Variants in WIPF2 observed in about 807,000 individuals in gnomAD.
WIPF2 encodes WAS/WASL-interacting protein family member 2.
WIPF2 carries 23 observed loss-of-function variants against 38.8 expected under a neutral mutation model. The observed-to-expected ratio is 0.59, with a 90% CI of 0.43 to 0.84. The LOEUF is 0.84. Ranked by LOEUF, WIPF2 falls within the 40% of genes least tolerant of loss-of-function variation. The pLI is 0.00. For synonymous variants in WIPF2, 210 were observed against 223.2 expected (o/e 0.94, Z 0.53); for missense variants, 574 against 580.5 (o/e 0.99, Z 0.11).
In WIPF2 at chr17:40,260,570, G is replaced by A; in HGVS notation, c.99G>A (p.Glu33=). Residue 33 remains glutamate, a synonymous_variant, in exon 3 of 8, where the codon GAG becomes GAA. Coordinates refer to ENST00000323571, the MANE Select transcript of WIPF2 (RefSeq NM_133264.5). Reference sequence around the variant, plus strand: ...AGCAGCCCAAGCTGAGTAGAGATGAGCAGCGGGGTCGAGGCGCCCTCTTAC... The same window carrying A: ...AGCAGCCCAAGCTGAGTAGAGATGAACAGCGGGGTCGAGGCGCCCTCTTAC... ...NTEQPKLSRD[E]QRGRGALLQD... The A allele has an allele frequency of 6.2e-7, 1 of 1,613,882 alleles. No individual in the cohort carries two copies. Among genetic ancestry groups the A allele is most frequent in the Non-Finnish European group, 8.5e-7 (1 of 1,179,984 alleles).
chr17:40,273,826 C>A lies in WIPF2; in HGVS notation c.1007C>A (p.Ala336Asp). 6.2e-7 allele frequency: 1 copy of A among 1,606,622 alleles called. No individual in the cohort carries two copies. Among genetic ancestry groups the A allele is most frequent in the Non-Finnish European group, 8.5e-7 (1 of 1,174,848 alleles). Reference protein sequence around the residue: ...PPPPPVIRNGARDAPPPPPPY... With the variant: ...PPPPPVIRNGDRDAPPPPPPY... ...CCACCACCTGTGATCCGAAATGGTG[C>A]CAGGGATGCTCCCCCTCCCCCACCA... The change falls in exon 6 of 8, where the codon GCC becomes GAC. Residue 336 changes from alanine (A) to aspartate (D), a missense_variant. By Grantham distance (126) the Ala-to-Asp change is moderately radical (BLOSUM62 -2). Coordinates refer to ENST00000323571, the MANE Select transcript of WIPF2 (RefSeq NM_133264.5).
intron 1 of WIPF2, among the ~76,000 whole-genome samples, chr17:40,245,452 C>T (rs1210321113): frequency 6.6e-6 from 1 of 151,920 alleles, no homozygotes; most frequent in Admixed American, 6.6e-5. Flanking sequence ...AAGTGATTCT[C>T]CTGCCTCAGC....
chr17:40,237,511 G>A (rs72836648), intron 1 of WIPF2, among the ~76,000 whole-genome samples: 15,832 of 151,854 alleles, frequency 0.1, 961 homozygotes, highest in East Asian at 0.3. Context: ...AAAGTGCTTC[G>A]GATAACAGGT....
intron 6 of WIPF2, among the ~76,000 whole-genome samples, chr17:40,274,772 ATC>A (rs980893887): frequency 4.0e-5 from 6 of 150,840 alleles, no homozygotes; most frequent in African/African-American, 9.7e-5. Context: ...GTGGAACTTC[ATC>A]TCTCTAAAAA....
intron 1 of WIPF2, among the ~76,000 whole-genome samples, chr17:40,228,899 C>T (rs970927953): frequency 4.0e-5 from 6 of 151,896 alleles, no homozygotes; most frequent in Admixed American, 2.0e-4. Context: ...TGAGCCACCA[C>T]ACCTGGCCCT....
chr17:40,240,157 G>T (rs1030166209), intron 1 of WIPF2, among the ~76,000 whole-genome samples: 10 of 151,158 alleles, frequency 6.6e-5, no homozygotes, highest in Non-Finnish European at 1.3e-4. Context: ...CACCTCCCAG[G>T]TTCAAGCAAT....
chr17:40,245,429 A>C (rs1229230589), intron 1 of WIPF2, among the ~76,000 whole-genome samples: 1 of 148,194 alleles, frequency 6.7e-6, no homozygotes, highest in Non-Finnish European at 1.5e-5. Flanking sequence ...TGCAACCTCC[A>C]CCTCCCGGGT....
intron 1 of WIPF2, among the ~76,000 whole-genome samples, chr17:40,233,040 G>A (rs1158732570): frequency 6.6e-6 from 1 of 152,194 alleles, no homozygotes; most frequent in African/African-American, 2.4e-5. Flanking sequence ...AGAGTAAGCT[G>A]TGGGGTTGTT....
chr17:40,256,108 A>G (rs975092873), intron 1 of WIPF2, among the ~76,000 whole-genome samples: 51 of 151,268 alleles, frequency 3.4e-4, no homozygotes, highest in South Asian at 8.3e-4. Flanking sequence ...AAAAAAAAAA[A>G]AAAAAAAAAA....
chr17:40,273,947 G>T lies in WIPF2; in HGVS notation c.1128G>T (p.Pro376=), dbSNP rs893242263. The T allele has an allele frequency of 1.3e-6, 2 of 1,563,490 alleles. No homozygotes were observed. The highest frequency in any genetic ancestry group is 2.9e-5 in the African/African-American group (2 of 67,872). ...CTGGGCCACCCCCTCCTCCTCCACC[G>T]CCCCTGAGGAATGGCCACAGAGATT... ...TPAGPPPPPP[P]PLRNGHRDSI... Residue 376 remains proline (P), a synonymous_variant, in exon 6 of 8, where the codon CCG becomes CCT. Transcript: ENST00000323571.
At chr17:40,223,605 T>TG (rs2145268064) in intron 1 of WIPF2, among the ~76,000 whole-genome samples, 1 of 148,238 alleles carries the variant, frequency 6.7e-6, no homozygotes, top group East Asian at 2.0e-4. Flanking sequence ...TTGGGTTTTT[T>TG]TTTTTTTTTT....
At chr17:40,257,136 G>A (rs761144814) in intron 2 of WIPF2, among the ~76,000 whole-genome samples, 5 of 151,934 alleles carry the variant, frequency 3.3e-5, no homozygotes, top group Non-Finnish European at 7.4e-5. Context: ...GCGCCACCAC[G>A]CCTGGCTAAG....
At chr17:40,248,151 T>G (rs2031432290) in intron 1 of WIPF2, among the ~76,000 whole-genome samples, 1 of 149,764 alleles carries the variant, frequency 6.7e-6, no homozygotes, top group Non-Finnish European at 1.5e-5. Flanking sequence ...AATAAAAATT[T>G]AAAAGTTATT....
chr17:40,260,936 T>G, intron 3 of WIPF2: 1 of 448,450 alleles, frequency 2.2e-6, no homozygotes, highest in Non-Finnish European at 4.1e-6. Flanking sequence ...AAAGATTGCA[T>G]GAGCCTAGAA....
chr17:40,230,565 G>T (rs1230733969), intron 1 of WIPF2, among the ~76,000 whole-genome samples: 1 of 152,066 alleles, frequency 6.6e-6, no homozygotes, highest in Non-Finnish European at 1.5e-5. Flanking sequence ...AATCAAACTT[G>T]GTTGGCTGGA....
At position 40,265,117 on chromosome 17, in the gene WIPF2, C is replaced by A. The variant is rs759681386; in HGVS notation, c.941C>A (p.Pro314Gln). ...PSLLSNRPPPPARDPPSRGAA... is the reference protein window; with the variant it reads ...PSLLSNRPPPQARDPPSRGAA... ...TTACTGAGTAATAGGCCACCTCCCC[C>A]AGCCCGAGACCCTCCCAGTCGGGGA... The change falls in exon 5 of 8, where the codon CCA becomes CAA. Residue 314 changes from proline (P) to glutamine (Q), a missense_variant. Transcript: ENST00000323571. The A allele has an allele frequency of 1.2e-6, 2 of 1,610,878 alleles. No homozygotes were observed. Among genetic ancestry groups the A allele is most frequent in the Non-Finnish European group, 1.7e-6 (2 of 1,178,166 alleles).
chr17:40,221,702 C>A (rs8073772), intron 1 of WIPF2, among the ~76,000 whole-genome samples: 1,984 of 2,018 alleles, frequency 0.98, 975 homozygotes, highest in South Asian at 1. Context: ...TGCCTCAGTC[C>A]CCCAAGTAAC....
intron 1 of WIPF2, among the ~76,000 whole-genome samples, chr17:40,224,525 C>T (rs993119908): frequency 4.0e-5 from 6 of 150,384 alleles, no homozygotes; most frequent in East Asian, 3.9e-4. Flanking sequence ...AAATTACGGG[C>T]GTGAGCCACC....
rs148946334 is a variant in WIPF2 at position 40,243,402 on chromosome 17, T to A, written c.-69-12989T>A. On this transcript the variant is annotated intron_variant, in intron 1 of 7. Transcript: ENST00000323571. ...ATGCATTATGTTTTTGTTAAAAAAA[T>A]ATGTTTGAAAGAATTTCATCATTCA... 2.6e-3 allele frequency among the ~76,000 whole-genome samples: 390 copies of A among 152,310 alleles called. 3 individuals are homozygous for A. Among genetic ancestry groups the A allele is most frequent in the African/African-American group, 8.9e-3 (369 of 41,568 alleles).
Sources: gnomAD v4.1 joint callset for allele counts (sites outside exome capture counted in the v4.1 genomes callset) on GRCh38, gnomAD v4.1.1 for gene constraint, MANE v1.5 for transcripts, NCBI Gene and HGNC (gene_info 2026-07-23, HGNC 2026-07-21) for gene names.